KCTD1: variants seen among roughly 807,000 people sequenced by gnomAD.
The protein encoded by KCTD1 is BTB/POZ domain-containing protein KCTD1.
KCTD1 carries 24 observed loss-of-function variants against 66.0 expected under a neutral mutation model. That is an observed-to-expected ratio of 0.36 (90% CI 0.26 to 0.51). KCTD1 has a LOEUF of 0.51. KCTD1 is among the 20% of genes least tolerant of loss of function. The pLI is 0.95. For synonymous variants in KCTD1, 511 were observed against 517.2 expected (o/e 0.99, Z 0.16); for missense variants, 943 against 1,205.2 (o/e 0.78, Z 3.22).
At chr18:26,569,760 T>C (rs1027965916) in intron 1 of KCTD1, among the ~76,000 whole-genome samples, 1 of 152,218 alleles carries the variant, frequency 6.6e-6, no homozygotes, top group Non-Finnish European at 1.5e-5. Context: ...CTAGCTCGGA[T>C]CTGAAATCAT....
At chr18:26,475,369 G>T (rs1056880415) in intron 3 of KCTD1, among the ~76,000 whole-genome samples, 1 of 152,088 alleles carries the variant, frequency 6.6e-6, no homozygotes, top group Non-Finnish European at 1.5e-5. Flanking sequence ...TAACAATATT[G>T]AGGTTTCCCA....
At chr18:26,631,853 C>G (rs1360959278), upstream of KCTD1, among the ~76,000 whole-genome samples, 5 of 150,206 alleles carry the variant, frequency 3.3e-5, no homozygotes, top group African/African-American at 1.2e-4. Context: ...TCGAGACCAT[C>G]CTGGCTAACA....
chr18:26,608,963 G>T (rs925863384), intron 1 of KCTD1, among the ~76,000 whole-genome samples: 6 of 152,166 alleles, frequency 3.9e-5, no homozygotes, highest in Admixed American at 1.3e-4. Context: ...ATCGCATTCT[G>T]GTGGGGCTCA....
At chr18:26,484,461 G>A (rs979940640) in intron 2 of KCTD1, among the ~76,000 whole-genome samples, 2 of 152,070 alleles carry the variant, frequency 1.3e-5, no homozygotes, top group Admixed American at 6.5e-5. Flanking sequence ...TCAGGAACTC[G>A]GCGTTTTGTA....
chr18:26,462,332 G>A (rs1003161150), intron 3 of KCTD1, among the ~76,000 whole-genome samples: 3 of 152,224 alleles, frequency 2.0e-5, no homozygotes, highest in African/African-American at 7.2e-5. Context: ...TTGCCCCTGG[G>A]CTAGAGTCTC....
intron 1 of KCTD1, among the ~76,000 whole-genome samples, chr18:26,505,111 T>G (rs1470339092): frequency 6.6e-6 from 1 of 152,258 alleles, no homozygotes; most frequent in Non-Finnish European, 1.5e-5. Flanking sequence ...CTGCCACCTG[T>G]CTTGATAAGG....
At chr18:26,593,644 AAGGAAGAGGAGGAAG>A (rs1598957604) in intron 1 of KCTD1, among the ~76,000 whole-genome samples, 2 of 37,236 alleles carry the variant, frequency 5.4e-5, no homozygotes, top group East Asian at 2.5e-3. Flanking sequence ...GGAGGAAGAG[AAGGAAGAGGAGGAAG>A]AGGAGGAGGA....
chr18:26,610,212 T>C (rs1252069713), intron 1 of KCTD1, among the ~76,000 whole-genome samples: 1 of 152,164 alleles, frequency 6.6e-6, no homozygotes, highest in Non-Finnish European at 1.5e-5. Context: ...CTGTATATAG[T>C]GTGAGGTATA....
At chr18:26,491,459 T>C (rs1598893509) in intron 2 of KCTD1, among the ~76,000 whole-genome samples, 1 of 152,286 alleles carries the variant, frequency 6.6e-6, no homozygotes, top group East Asian at 1.9e-4. Context: ...GTCAACTTTG[T>C]CCCTGGCTGC....
At chr18:26,631,999 G>A (rs1331058020), upstream of KCTD1, among the ~76,000 whole-genome samples, 2 of 152,046 alleles carry the variant, frequency 1.3e-5, no homozygotes, top group African/African-American at 2.4e-5. Flanking sequence ...GAAGTGAGCC[G>A]AGATCGCGCC....
chr18:26,600,277 G>A (rs1986860591), intron 1 of KCTD1: 1 of 1,606,300 alleles, frequency 6.2e-7, no homozygotes, highest in Admixed American at 1.7e-5. Context: ...CCCCTACCTT[G>A]GGATGCCAGC....
chr18:26,593,678 AG>A (rs757246998), intron 1 of KCTD1, among the ~76,000 whole-genome samples: 6 of 90,318 alleles, frequency 6.6e-5, no homozygotes, highest in African/African-American at 1.3e-4. Flanking sequence ...GAGGAAGATG[AG>A]GAGGAGGAGG....
At chr18:26,459,507 G>T in intron 4 of KCTD1, 113 bp downstream of exon 4, 1 of 989,838 alleles carries the variant, frequency 1.0e-6, no homozygotes. Context: ...CAACAGAAGT[G>T]TCACTGAGTG....
upstream of KCTD1, among the ~76,000 whole-genome samples, chr18:26,550,254 T>C (rs1300933879): frequency 6.6e-6 from 1 of 152,156 alleles, no homozygotes; most frequent in African/African-American, 2.4e-5. The surrounding 1 kb of genome is among the most constrained non-coding windows in gnomAD (Gnocchi z 5.4). Flanking sequence ...CAACTGCCTG[T>C]TTCCCCCTTC....
At chr18:26,513,970 C>G (rs1983491990) in intron 1 of KCTD1, among the ~76,000 whole-genome samples, 1 of 152,204 alleles carries the variant, frequency 6.6e-6, no homozygotes, top group Non-Finnish European at 1.5e-5. Context: ...CTTGCCTCCA[C>G]TGGCAGGAGA....
At chr18:26,550,030 C>T (rs891595575), upstream of KCTD1, among the ~76,000 whole-genome samples, 1 of 152,116 alleles carries the variant, frequency 6.6e-6, no homozygotes, top group Non-Finnish European at 1.5e-5. This position sits in a 1 kb window ranked among gnomAD's most constrained non-coding sequence, Gnocchi z 5.4. Context: ...GTGCTGCATC[C>T]TAACTTTCAC....
At chr18:26,562,860 A>G (rs1985892438) in intron 1 of KCTD1, among the ~76,000 whole-genome samples, 1 of 152,126 alleles carries the variant, frequency 6.6e-6, no homozygotes, top group South Asian at 2.1e-4. Flanking sequence ...CATCAGTTCT[A>G]CCAGATTAGG....
chr18:26,560,149 A>G (rs1423491905), intron 1 of KCTD1, among the ~76,000 whole-genome samples: 1 of 136,722 alleles, frequency 7.3e-6, no homozygotes, highest in East Asian at 2.0e-4. Flanking sequence ...CAGAAAAAAA[A>G]AAAACAAAAC....
intron 3 of KCTD1, 54 bp from the exon 4 acceptor site, chr18:26,459,979 C>T: frequency 7.6e-7 from 1 of 1,316,086 alleles, no homozygotes; most frequent in Non-Finnish European, 1.0e-6. Flanking sequence ...AAGTACTAAA[C>T]ATGTCCACAT....
Sources: allele counts gnomAD v4.1 joint callset (sites outside exome capture counted in the v4.1 genomes callset), GRCh38; gene constraint gnomAD v4.1.1; non-coding constraint Gnocchi (gnomAD v3.1); transcripts MANE v1.5; gene names NCBI Gene and HGNC (gene_info 2026-07-23, HGNC 2026-07-21).